The following PHACTR4 variants were observed in gnomAD, a reference collection of about 807,000 sequenced individuals.
The protein encoded by PHACTR4 is phosphatase and actin regulator 4.
In PHACTR4, 51 loss-of-function variants were observed where a neutral mutation model predicts 72.7. The observed-to-expected ratio is 0.70, with a 90% confidence interval of 0.56 to 0.89. The LOEUF (loss-of-function observed/expected upper bound fraction) is 0.89. Among genes scored for constraint, PHACTR4 ranks in the 40% least tolerant of loss-of-function variants. PHACTR4 has a pLI of 0.00. For missense variants in PHACTR4, 731 were observed against 861.8 expected, an observed-to-expected ratio of 0.85 and a Z score of 1.90; for synonymous variants, 255 against 302.5, an observed-to-expected ratio of 0.84 and a Z score of 1.63.
chr1:28,399,103 G>C (rs1410113898), intron 1 of PHACTR4, among the ~76,000 whole-genome samples: 2 of 151,830 alleles, frequency 1.3e-5, no homozygotes, highest in Non-Finnish European at 2.9e-5. Context: ...CCAGAGGTCA[G>C]GAGTTCAAGA....
chr1:28,460,345 T>C lies in PHACTR4; in HGVS notation c.271+53T>C, dbSNP rs1044996959. The C allele has an allele frequency of 5.4e-6, 7 of 1,307,056 alleles. No homozygotes were observed. In the Admixed American group the frequency reaches 7.1e-5, roughly 13 times the overall value. The allele number at this position is 1,307,056 out of a possible 1,614,324, so 81.0% of individuals were successfully genotyped here. ...CTGTCTCTGTGCACTTGGTCTTTGA[T>C]TGGGTCTGACGAGATATTTGAATTT... is the stretch of plus-strand genomic sequence containing the variant. On this transcript the variant is annotated intron_variant, in intron 4 of 13. Transcript: ENST00000373839.
intron 1 of PHACTR4, among the ~76,000 whole-genome samples, chr1:28,381,560 A>C (rs527703482): frequency 6.6e-6 from 1 of 151,548 alleles, no homozygotes; most frequent in Admixed American, 6.6e-5. Context: ...AGCCTCCCAA[A>C]GTGCTGGGAT....
chr1:28,393,766 C>T (rs1557783616), intron 1 of PHACTR4, among the ~76,000 whole-genome samples: 1 of 152,034 alleles, frequency 6.6e-6, no homozygotes, highest in Non-Finnish European at 1.5e-5. Context: ...AGTGCAATGG[C>T]ACAATTAGGG....
Position 28,379,667 on chromosome 1 carries a change from G to A in PHACTR4, c.-39+9842G>A, listed in dbSNP as rs190512749. Among the ~76,000 whole-genome samples, 183 of 149,630 alleles carry A rather than the reference G, an allele frequency of 1.2e-3. 4 individuals carry two copies. The East Asian group carries it at 0.028, about 23-fold the overall frequency. On this transcript the variant is annotated intron_variant, in intron 1 of 13. Transcript: ENST00000373839. ...TGCAGTGGCACAATCTCGGCTCAGT[G>A]CCAGCTCCGCCTCCCGGGTTCACGC...
intron 2 of PHACTR4, among the ~76,000 whole-genome samples, chr1:28,447,353 C>T (rs567393959): frequency 3.3e-5 from 5 of 151,392 alleles, no homozygotes; most frequent in African/African-American, 1.2e-4. Flanking sequence ...GACTAATAGA[C>T]CTATTATCAC....
Position 28,487,518 on chromosome 1 carries a change from C to CAAAAA in PHACTR4, c.1761-1637_1761-1633dup, listed in dbSNP as rs796633179. Among the ~76,000 whole-genome samples the CAAAAA allele has an allele frequency of 3.3e-3, 250 of 76,884 alleles. 1 individual carries two copies. The highest frequency in any genetic ancestry group is 5.3e-3 in the Non-Finnish European group (200 of 37,972). 50.4% of individuals were successfully genotyped at this position (76,884 alleles called of 152,430 possible). Reference sequence around the variant, plus strand: ...ACAGAGTGAGACCCTGACACACACACAAAAAAAAAAAAAAAAAAAGGAAGG... The same window carrying CAAAAA: ...ACAGAGTGAGACCCTGACACACACACAAAAAAAAAAAAAAAAAAAAAAAAGGAAGG... On this transcript the variant is annotated intron_variant, in intron 9 of 13. Coordinates refer to ENST00000373839, the MANE Select transcript of PHACTR4 (RefSeq NM_001048183.3).
At chr1:28,437,597 A>G (rs1449229686) in intron 2 of PHACTR4, among the ~76,000 whole-genome samples, 2 of 152,176 alleles carry the variant, frequency 1.3e-5, no homozygotes, top group Admixed American at 1.3e-4. Flanking sequence ...GAGACTGGGT[A>G]TCTGTGAGGG....
At position 28,399,647 on chromosome 1, in the gene PHACTR4, A is replaced by T. The variant is rs372068264; in HGVS notation, c.-38-7763A>T. Among the ~76,000 whole-genome samples, 11 of 152,314 alleles carry T rather than the reference A, an allele frequency of 7.2e-5. No homozygotes were observed. The South Asian group carries it at 1.0e-3, about 14-fold the overall frequency. ...ATGCACCTTCTAAATGCAGGGATAT[A>T]GTAGTGAACAGAACAGATAAAGTAT... On this transcript the variant is annotated intron_variant, in intron 1 of 13. Transcript: ENST00000373839.
chr1:28,394,744 G>GCC (rs1653355431), intron 1 of PHACTR4, among the ~76,000 whole-genome samples: 1 of 151,218 alleles, frequency 6.6e-6, no homozygotes, highest in Non-Finnish European at 1.5e-5. Context: ...TTACAGGCAT[G>GCC]TGCCACCACG....
Position 28,465,857 on chromosome 1 carries a change from A to G in PHACTR4, c.436+8A>G. Reference sequence around the variant, plus strand: ...ACCTAAAGAAACGACTAGGTAAGAAACTCTGGATTTTTGAGTTTAAGAGCC... The same window carrying G: ...ACCTAAAGAAACGACTAGGTAAGAAGCTCTGGATTTTTGAGTTTAAGAGCC... On this transcript the variant is annotated splice_region_variant and intron_variant, in intron 5 of 13. Transcript: ENST00000373839. The G allele has an allele frequency of 1.9e-6, 3 of 1,597,430 alleles. No individual in the cohort carries two copies. Among genetic ancestry groups the G allele is most frequent in the Non-Finnish European group, 2.6e-6 (3 of 1,175,578 alleles).
chr1:28,393,366 G>A (rs562000722), intron 1 of PHACTR4, among the ~76,000 whole-genome samples: 4 of 152,134 alleles, frequency 2.6e-5, no homozygotes, highest in Non-Finnish European at 5.9e-5. Flanking sequence ...CACTATAGTA[G>A]GCTCATTCTA....
Position 28,493,103 on chromosome 1 carries a change from A to T in PHACTR4, c.2093+12A>T, listed in dbSNP as rs1437829410. 3 of 1,604,886 alleles carry T rather than the reference A, an allele frequency of 1.9e-6. No homozygotes were observed. The African/African-American group carries it at 4.0e-5, about 21-fold the overall frequency. On this transcript the variant is annotated intron_variant, in intron 13 of 13. Transcript: ENST00000373839. ...AAACATTTTACACGGTAAGACCCAA[A>T]AGACCCAATCATATATGTGCTAGGT...
chr1:28,374,853 C>T (rs1651517884), intron 1 of PHACTR4, among the ~76,000 whole-genome samples: 1 of 152,214 alleles, frequency 6.6e-6, no homozygotes, highest in Non-Finnish European at 1.5e-5. Context: ...TTGAGCAACT[C>T]AACCTCTTTG....
Position 28,460,286 on chromosome 1 carries a change from G to C in PHACTR4, c.265G>C (p.Glu89Gln), listed in dbSNP as rs1306504134. 1 of 1,611,630 alleles carries C rather than the reference G, an allele frequency of 6.2e-7. No homozygotes were observed. Among genetic ancestry groups the C allele is most frequent in the South Asian group, 1.1e-5 (1 of 90,916 alleles). The change falls in exon 4 of 14, where the codon GAG becomes CAG. Residue 89 changes from glutamate to glutamine, a missense_variant. Glu to Gln is a conservative substitution (Grantham distance 29). Coordinates refer to ENST00000373839, the MANE Select transcript of PHACTR4 (RefSeq NM_001048183.3). ...AAGAGGGGTTCTGTTGGAAGACCCT[G>C]AGCAAGGTGAGTTTACAAATAAATA... ...VKRGVLLEDPEQGGEDPGKPS... is the reference protein window; with the variant it reads ...VKRGVLLEDPQQGGEDPGKPS...
rs1183532807 is a variant in PHACTR4, at chr1:28,453,712, A to G, written c.17-5373A>G. Reference sequence around the variant, plus strand: ...GTTCCTCTTACTTCAATTTGAACCCATTTGAGGTTCTTCAGTTAGATCCTG... The same window carrying G: ...GTTCCTCTTACTTCAATTTGAACCCGTTTGAGGTTCTTCAGTTAGATCCTG... On this transcript the variant is annotated intron_variant, in intron 2 of 13. Coordinates refer to ENST00000373839, the MANE Select transcript of PHACTR4 (RefSeq NM_001048183.3). 96 of 1,260,454 alleles carry G rather than the reference A, an allele frequency of 7.6e-5. 4 individuals carry two copies. In the South Asian group the frequency reaches 1.1e-3, roughly 14 times the overall value. 78.1% of individuals were successfully genotyped at this position (1,260,454 alleles called of 1,614,324 possible). A position where few individuals can be genotyped will look rare whatever the true frequency, so the allele number is the denominator to read the frequency against.
intron 2 of PHACTR4, among the ~76,000 whole-genome samples, chr1:28,421,144 T>A (rs992105380): frequency 6.6e-6 from 1 of 152,210 alleles, no homozygotes; most frequent in Non-Finnish European, 1.5e-5. Context: ...ATGTCCTATC[T>A]TATTCAAAAT....
At chr1:28,425,576 T>C (rs1315579123) in intron 2 of PHACTR4, among the ~76,000 whole-genome samples, 1 of 152,268 alleles carries the variant, frequency 6.6e-6, no homozygotes, top group Admixed American at 6.5e-5. Flanking sequence ...GGCTATATTC[T>C]CCTATTCATG....
intron 1 of PHACTR4, among the ~76,000 whole-genome samples, chr1:28,393,130 G>GT (rs1251819920): frequency 4.0e-5 from 6 of 149,322 alleles, no homozygotes; most frequent in Non-Finnish European, 9.0e-5. Context: ...TTTACACACC[G>GT]TAACTATATA....
chr1:28,468,316 C>T (rs908185102), intron 6 of PHACTR4, among the ~76,000 whole-genome samples: 21 of 152,148 alleles, frequency 1.4e-4, no homozygotes, highest in African/African-American at 3.9e-4. Flanking sequence ...GTAGGCCAGG[C>T]GCAGTGGCTC....
Sources: gnomAD v4.1 joint callset for allele counts (sites outside exome capture counted in the v4.1 genomes callset) on GRCh38, gnomAD v4.1.1 for gene constraint, MANE v1.5 for transcripts, NCBI Gene and HGNC (gene_info 2026-07-23, HGNC 2026-07-21) for gene names.